TMEM263: variants seen among roughly 807,000 people sequenced by gnomAD.
TMEM263 encodes transmembrane protein 263, also known as UPF0444 transmembrane protein C12orf23.
In TMEM263, 5 loss-of-function variants were observed where a neutral mutation model predicts 8.6. The observed-to-expected ratio is 0.58, with a 90% confidence interval of 0.31 to 1.23. TMEM263 has a LOEUF of 1.23. TMEM263 is among the 50% of genes most tolerant of loss of function. TMEM263 has a pLI of 0.07. For missense variants in TMEM263, 104 were observed against 138.8 expected (o/e 0.75, Z 1.26); for synonymous variants, 50 against 47.9 (o/e 1.04, Z -0.18).
rs568844348 is a variant in TMEM263, at chr12:106,972,227, C to A, written c.*836C>A. 6.6e-6 allele frequency: 1 copy of A among 152,138 alleles called. No individual in the cohort carries two copies. The highest frequency in any genetic ancestry group is 1.5e-5 in the Non-Finnish European group (1 of 68,008). 9.4% of individuals were successfully genotyped at this position (152,138 alleles called of 1,614,324 possible). ...GGGTTCATGCTTCATCATTAATACACCTCACAGTGCCTAAGGAACATTTAC... is the reference window on the plus strand; with the variant it reads ...GGGTTCATGCTTCATCATTAATACAACTCACAGTGCCTAAGGAACATTTAC... On this transcript the variant is annotated 3_prime_UTR_variant, in exon 4 of 4. Transcript: ENST00000280756.
At chr12:106,959,767 C>T (rs1003080000) in intron 2 of TMEM263, among the ~76,000 whole-genome samples, 2 of 152,050 alleles carry the variant, frequency 1.3e-5, no homozygotes, top group Admixed American at 6.6e-5. Flanking sequence ...AAGTTAGGCA[C>T]ATATTTGTGT....
Position 106,956,024 on chromosome 12 carries a change from C to T in TMEM263, c.-116C>T. ...GCTCTCCTCTGCGCCGGCCCGCTCA[C>T]TCCGCCCGGCCCCAGCCCTAGCGCT... On this transcript the variant is annotated 5_prime_UTR_variant, in exon 1 of 4. Coordinates refer to ENST00000280756, the MANE Select transcript of TMEM263 (RefSeq NM_152261.4). 1 of 985,854 alleles carries T rather than the reference C, an allele frequency of 1.0e-6. No homozygotes were observed. The highest frequency in any genetic ancestry group is 1.2e-6 in the Non-Finnish European group (1 of 830,288). The allele number at this position is 985,854 out of a possible 1,614,324, so 61.1% of individuals were successfully genotyped here. A position where few individuals can be genotyped will look rare whatever the true frequency, so the allele number is the denominator to read the frequency against.
chr12:106,967,074 G>C (rs903685278), intron 2 of TMEM263, 37 bp from the exon 3 acceptor site: 5 of 1,358,796 alleles, frequency 3.7e-6, no homozygotes, highest in South Asian at 2.5e-5. Flanking sequence ...CACATGTTGA[G>C]GTTAAAATGA....
At chr12:106,967,830 A>G (rs561670309) in intron 3 of TMEM263, among the ~76,000 whole-genome samples, 3 of 152,362 alleles carry the variant, frequency 2.0e-5, no homozygotes, top group African/African-American at 7.2e-5. Flanking sequence ...TGCATACAAA[A>G]TCAGCCTAAT....
Position 106,971,169 on chromosome 12 carries a change from C to A in TMEM263, c.129C>A (p.Phe43Leu). The A allele has an allele frequency of 6.2e-7, 1 of 1,614,182 alleles. No homozygotes were observed. The highest frequency in any genetic ancestry group is 8.5e-7 in the Non-Finnish European group (1 of 1,180,026). ...TGTCCCGTGTGACTGGGGGTATCTT[C>A]AGTGTTACAAAGGGAGCTGTTGGTG... ...GMLSRVTGGI[F>L]SVTKGAVGAT... is the part of the protein sequence containing the mutation. Residue 43 changes from phenylalanine (F) to leucine (L), a missense_variant, in exon 4 of 4, where the codon TTC becomes TTA. Physicochemically the swap from Phe to Leu is conservative, Grantham distance 22 (BLOSUM62 0). Transcript: ENST00000280756.
At chr12:106,969,784 C>A (rs754174504) in intron 3 of TMEM263, among the ~76,000 whole-genome samples, 2 of 150,922 alleles carry the variant, frequency 1.3e-5, no homozygotes, top group African/African-American at 4.9e-5. Flanking sequence ...TCACTGTGTT[C>A]ATTTTAAGCT....
At chr12:106,956,169 GC>G in intron 1 of TMEM263, 104 bp downstream of exon 1, 1 of 551,836 alleles carries the variant, frequency 1.8e-6, no homozygotes, top group Non-Finnish European at 2.3e-6. Context: ...CCAGTGCCCG[GC>G]CTGGCTGCCC....
Position 106,963,626 on chromosome 12 carries a change from C to T in TMEM263, c.-6-3485C>T, listed in dbSNP as rs149588454. Among the ~76,000 whole-genome samples the T allele has an allele frequency of 1.1e-3, 170 of 152,204 alleles. 1 individual carries two copies. The highest frequency in any genetic ancestry group is 2.2e-3 in the Non-Finnish European group (148 of 68,004). The stretch of plus-strand genomic sequence containing the variant: ...TTCCATCTCTTCTTGCTTCAGTTAG[C>T]GTCTTAAGGCACAGATATGACAGTA... On this transcript the variant is annotated intron_variant, in intron 2 of 3. Transcript: ENST00000280756.
Position 106,972,936 on chromosome 12 carries a change from T to G in TMEM263, c.*1545T>G, listed in dbSNP as rs1593474112. The G allele has an allele frequency of 6.6e-6, 1 of 150,690 alleles. No homozygotes were observed. Among genetic ancestry groups the G allele is most frequent in the East Asian group, 2.0e-4 (1 of 5,114 alleles). 9.3% of individuals were successfully genotyped at this position (150,690 alleles called of 1,614,324 possible). A position where few individuals can be genotyped will look rare whatever the true frequency, so the allele number is the denominator to read the frequency against. Reference sequence around the variant, plus strand: ...TTGCAGTAAGTAAGTCGAAATAGCATGCCTGAAAATTTGAAACAGACCATT... The same window carrying G: ...TTGCAGTAAGTAAGTCGAAATAGCAGGCCTGAAAATTTGAAACAGACCATT... On this transcript the variant is annotated 3_prime_UTR_variant, in exon 4 of 4. Transcript: ENST00000280756.
At chr12:106,965,079 T>TC (rs1483141911) in intron 2 of TMEM263, among the ~76,000 whole-genome samples, 1 of 144,288 alleles carries the variant, frequency 6.9e-6, no homozygotes, top group Non-Finnish European at 1.5e-5. Flanking sequence ...CCTATGTTGA[T>TC]CCAGACCTCA....
rs191497137 is a variant in TMEM263, at chr12:106,968,765, A to C, written c.64+1585A>C. On this transcript the variant is annotated intron_variant, in intron 3 of 3. Coordinates refer to ENST00000280756, the MANE Select transcript of TMEM263 (RefSeq NM_152261.4). ...ACAATTATTTGTCTTCTTTAAATGC[A>C]TGTGTACCAAATTTGGCATGGCAAG... 1.6e-4 allele frequency among the ~76,000 whole-genome samples: 24 copies of C among 152,354 alleles called. No homozygotes were observed. In the East Asian group the frequency reaches 4.0e-3, roughly 26 times the overall value.
chr12:106,965,161 TC>T (rs1346598139), intron 2 of TMEM263, among the ~76,000 whole-genome samples: 2 of 152,210 alleles, frequency 1.3e-5, no homozygotes, highest in Non-Finnish European at 2.9e-5. Flanking sequence ...TTCTTGCTGA[TC>T]CAGGTAAGCT....
Position 106,971,238 on chromosome 12 carries a change from A to G in TMEM263, c.198A>G (p.Glu66=). The G allele has an allele frequency of 1.2e-6, 2 of 1,614,222 alleles. No homozygotes were observed. The highest frequency in any genetic ancestry group is 1.7e-6 in the Non-Finnish European group (2 of 1,180,034). The change falls in exon 4 of 4, where the codon GAA becomes GAG. Residue 66 remains glutamate, a synonymous_variant. Transcript: ENST00000280756. ...GVAWIGGKSL[E]VTKTAVTTVP... ...CTTGGATTGGTGGAAAGAGTCTGGA[A>G]GTGACCAAAACAGCTGTTACAACTG...
chr12:106,960,592 G>A (rs1324905734), intron 2 of TMEM263, among the ~76,000 whole-genome samples: 1 of 151,708 alleles, frequency 6.6e-6, no homozygotes, highest in Non-Finnish European at 1.5e-5. Flanking sequence ...CTAATTTTAG[G>A]CCAGAATGAA....
chr12:106,956,893 G>GAA, intron 1 of TMEM263, 189 bp from the exon 2 acceptor site: 4 of 167,698 alleles, frequency 2.4e-5, no homozygotes, highest in Non-Finnish European at 3.5e-5. Context: ...CACTGCTAAA[G>GAA]AAAAAAAAAA....
intron 2 of TMEM263, among the ~76,000 whole-genome samples, chr12:106,965,725 T>C (rs958573061): frequency 2.6e-5 from 4 of 152,090 alleles, no homozygotes; most frequent in South Asian, 4.1e-4. Flanking sequence ...ATTTTGTATT[T>C]ATTTATTGCC....
At chr12:106,962,865 A>T (rs1470948665) in intron 2 of TMEM263, among the ~76,000 whole-genome samples, 1 of 152,220 alleles carries the variant, frequency 6.6e-6, no homozygotes, top group African/African-American at 2.4e-5. Flanking sequence ...AAAAAATTCA[A>T]GTATATGAGT....
chr12:106,970,123 T>G (rs568663581), intron 3 of TMEM263, among the ~76,000 whole-genome samples: 1 of 152,304 alleles, frequency 6.6e-6, no homozygotes, highest in South Asian at 2.1e-4. Flanking sequence ...TGAATAGTTT[T>G]TTACTTTTAC....
intron 3 of TMEM263, among the ~76,000 whole-genome samples, chr12:106,968,540 G>A (rs568497582): frequency 6.6e-6 from 1 of 152,272 alleles, no homozygotes; most frequent in East Asian, 1.9e-4. Flanking sequence ...AGGACTTTGT[G>A]AGAAAGAAAT....
Sources: allele counts gnomAD v4.1 joint callset (sites outside exome capture counted in the v4.1 genomes callset), GRCh38; gene constraint gnomAD v4.1.1; transcripts MANE v1.5; gene names NCBI Gene and HGNC (gene_info 2026-07-23, HGNC 2026-07-21).